The following SORBS2 variants were observed in gnomAD, a reference collection of about 807,000 sequenced individuals.
The protein encoded by SORBS2 is sorbin and SH3 domain-containing protein 2.
In SORBS2, 46 loss-of-function variants were observed where a neutral mutation model predicts 97.7. The ratio of observed to expected loss-of-function variants is 0.47; its 90% confidence interval spans 0.37 to 0.60. The LOEUF is 0.60. Among genes scored for constraint, SORBS2 ranks in the 20% least tolerant of loss-of-function variants. The probability of loss-of-function intolerance (pLI) is 0.00; values close to 1 mark genes in which losing one functional copy is unlikely to be tolerated. For synonymous variants in SORBS2, 476 were observed against 473.4 expected, an observed-to-expected ratio of 1.01 and a Z score of -0.07; for missense variants, 1,316 against 1,282.3, an observed-to-expected ratio of 1.03 and a Z score of -0.40.
At chr4:185,809,704 A>T (rs1561171805) in intron 1 of SORBS2, among the ~76,000 whole-genome samples, 1 of 152,200 alleles carries the variant, frequency 6.6e-6, no homozygotes, top group Non-Finnish European at 1.5e-5. Context: ...TGTGTATAGC[A>T]TGTCATCTTA....
In SORBS2 at chr4:185,705,321, G is replaced by A. The variant is rs186121467; in HGVS notation, c.-197-26499C>T. ...GATTATGTAAACACTGGACCTGTTCGTTAAAAAAATTTCTTAGAGATCAAG... is the reference window on the plus strand; with the variant it reads ...GATTATGTAAACACTGGACCTGTTCATTAAAAAAATTTCTTAGAGATCAAG... On this transcript the variant is annotated intron_variant, in intron 2 of 20. Transcript: ENST00000284776. 3.1e-4 allele frequency among the ~76,000 whole-genome samples: 47 copies of A among 152,172 alleles called. No homozygotes were observed. In the East Asian group the frequency reaches 4.1e-3, roughly 13 times the overall value.
At chr4:185,588,621 T>TCCCTCCTCCTCCTCCCTCCTCCTCCTC (rs2095848086) in intron 14 of SORBS2, among the ~76,000 whole-genome samples, 1 of 55,224 alleles carries the variant, frequency 1.8e-5, no homozygotes, top group Non-Finnish European at 5.2e-5. Context: ...CTCCTCCTCC[T>TCCCTCCTCCTCCTCCCTCCTCCTCCTC]CCTTGTTTTT....
chr4:185,697,431 T>G (rs1582956468), intron 2 of SORBS2, among the ~76,000 whole-genome samples: 1 of 152,198 alleles, frequency 6.6e-6, no homozygotes. Context: ...GCAGCTTTCT[T>G]TCTTCCTTAA....
intron 1 of SORBS2, among the ~76,000 whole-genome samples, chr4:185,891,061 T>G (rs1325452938): frequency 6.6e-6 from 1 of 152,220 alleles, no homozygotes; most frequent in African/African-American, 2.4e-5. Flanking sequence ...CTGAGATTCC[T>G]TTCAGATCTA....
intron 1 of SORBS2, among the ~76,000 whole-genome samples, chr4:185,932,248 G>C (rs1328255754): frequency 2.0e-5 from 3 of 151,782 alleles, no homozygotes; most frequent in African/African-American, 7.3e-5. Flanking sequence ...GAAGGGGGCA[G>C]TGGAGGGAAA....
At chr4:185,593,552 T>G (rs983902257) in intron 13 of SORBS2, 4 of 274,234 alleles carry the variant, frequency 1.5e-5, no homozygotes, top group Non-Finnish European at 2.7e-5. Flanking sequence ...TTAGAACATG[T>G]TCTGTATGTC....
rs2097307513 is a variant in SORBS2 at position 185,651,171 on chromosome 4, A to C, written c.91+1491T>G. 1.3e-5 allele frequency among the ~76,000 whole-genome samples: 2 copies of C among 152,214 alleles called. 1 individual carries two copies. Among genetic ancestry groups the C allele is most frequent in the South Asian group, 4.1e-4 (2 of 4,826 alleles). ...GGCAACACTCAGGAGAAAGTGATGA[A>C]GGGAAAAACATTTGTCAGGGGTCCC... On this transcript the variant is annotated intron_variant, in intron 2 of 14. Transcript: ENST00000418609.
At chr4:185,756,159 A>T (rs6858819) in intron 2 of SORBS2, among the ~76,000 whole-genome samples, 48,145 of 151,840 alleles carry the variant, frequency 0.32, 7,963 homozygotes, top group African/African-American at 0.4. Flanking sequence ...GTTCCAAGAA[A>T]ATCGAATACA....
At chr4:185,910,135 T>C (rs990598695) in intron 1 of SORBS2, among the ~76,000 whole-genome samples, 6 of 152,182 alleles carry the variant, frequency 3.9e-5, no homozygotes, top group African/African-American at 1.4e-4. Context: ...CCAAGGTGGC[T>C]CTGCAACTGT....
chr4:185,878,260 A>C (rs1181010668), intron 1 of SORBS2, among the ~76,000 whole-genome samples: 1 of 152,216 alleles, frequency 6.6e-6, no homozygotes, highest in African/African-American at 2.4e-5. Context: ...CAATTAAGTA[A>C]GAGTGGAAAC....
intron 1 of SORBS2, among the ~76,000 whole-genome samples, chr4:185,953,919 C>T (rs1417227090): frequency 6.6e-6 from 1 of 152,242 alleles, no homozygotes; most frequent in Non-Finnish European, 1.5e-5. Flanking sequence ...CCAAGGCCAA[C>T]CTTGGTCCAT....
At chr4:185,775,980 G>C (rs1412484639) in intron 1 of SORBS2, 1 of 152,214 alleles carries the variant, frequency 6.6e-6, no homozygotes, top group Non-Finnish European at 1.5e-5. Flanking sequence ...ACATGAGGCA[G>C]ACAAACAGTG....
At chr4:185,641,041 T>C (rs1332627889) in intron 4 of SORBS2, among the ~76,000 whole-genome samples, 3 of 152,206 alleles carry the variant, frequency 2.0e-5, no homozygotes, top group Admixed American at 1.3e-4. Context: ...TGAATAAGAC[T>C]TGTTAGCTAT....
At chr4:185,619,203 C>T (rs1379887770) in intron 8 of SORBS2, among the ~76,000 whole-genome samples, 4 of 152,184 alleles carry the variant, frequency 2.6e-5, no homozygotes, top group African/African-American at 7.2e-5. Flanking sequence ...ACCAGCCACT[C>T]GTCTTTTAGT....
intron 1 of SORBS2, among the ~76,000 whole-genome samples, chr4:185,840,640 C>T (rs147596860): frequency 6.6e-6 from 1 of 152,272 alleles, no homozygotes; most frequent in African/African-American, 2.4e-5. Flanking sequence ...TACTGGCCCT[C>T]TTTCAAATAC....
At chr4:185,791,668 T>G (rs1432235420) in intron 1 of SORBS2, among the ~76,000 whole-genome samples, 1 of 151,846 alleles carries the variant, frequency 6.6e-6, no homozygotes, top group East Asian at 1.9e-4. Flanking sequence ...AAGTGAGTGC[T>G]CATACTTGAT....
intron 2 of SORBS2, among the ~76,000 whole-genome samples, chr4:185,702,228 G>A (rs905072293): frequency 6.6e-6 from 1 of 152,016 alleles, no homozygotes; most frequent in Non-Finnish European, 1.5e-5. Context: ...GGGACGCATG[G>A]CACTGACATT....
At chr4:185,663,373 A>G (rs893653254) in intron 4 of SORBS2, among the ~76,000 whole-genome samples, 12 of 152,248 alleles carry the variant, frequency 7.9e-5, no homozygotes, top group Admixed American at 6.5e-4. Flanking sequence ...ATGACCTAGA[A>G]TAAGTCTAAT....
chr4:185,924,155 T>C (rs963712525), intron 1 of SORBS2, among the ~76,000 whole-genome samples: 2 of 152,146 alleles, frequency 1.3e-5, no homozygotes, highest in African/African-American at 2.4e-5. Context: ...AGGATAGATA[T>C]ACAGAGGTAC....
Sources: allele counts gnomAD v4.1 joint callset (sites outside exome capture counted in the v4.1 genomes callset), GRCh38; gene constraint gnomAD v4.1.1; transcripts MANE v1.5; gene names NCBI Gene and HGNC (gene_info 2026-07-23, HGNC 2026-07-21).